NEK1: variants seen among roughly 807,000 people sequenced by gnomAD.
The protein encoded by NEK1 is NIMA related kinase 1.
NEK1 carries 137 observed loss-of-function variants against 182.1 expected under a neutral mutation model. The observed-to-expected ratio is 0.75, with a 90% CI of 0.65 to 0.87. NEK1 has a LOEUF of 0.87. Ranked by LOEUF, NEK1 falls within the 40% of genes least tolerant of loss-of-function variation. The pLI is 0.00. For synonymous variants in NEK1, 513 were observed against 492.2 expected, an observed-to-expected ratio of 1.04 and a Z score of -0.56; for missense variants, 1,391 against 1,494.4, an observed-to-expected ratio of 0.93 and a Z score of 1.14.
At chr4:169,593,759 C>T (rs370642930) in intron 5 of NEK1, among the ~76,000 whole-genome samples, 5 of 152,002 alleles carry the variant, frequency 3.3e-5, no homozygotes, top group Admixed American at 6.5e-5. Flanking sequence ...GAGGCCTAGG[C>T]GGGCAGATCA....
chr4:169,423,528 C>T (rs1038461374), intron 31 of NEK1, among the ~76,000 whole-genome samples: 1 of 152,062 alleles, frequency 6.6e-6, no homozygotes. Context: ...GTATACAAAT[C>T]AATAACATTA....
In NEK1 at chr4:169,444,643, T is replaced by A. The variant is rs1484884672; in HGVS notation, c.2588-6384A>T. On this transcript the variant is annotated intron_variant, in intron 27 of 35. Coordinates refer to ENST00000507142, the MANE Select transcript of NEK1 (RefSeq NM_001199397.3). ...AACTACAGGGAGAGATAGACTCCAA[T>A]ATAATAAGAGTTGTGGACTTCAACG... 3.3e-5 allele frequency among the ~76,000 whole-genome samples: 5 copies of A among 152,102 alleles called. No individual in the cohort carries two copies. In the East Asian group the frequency reaches 9.6e-4, roughly 29 times the overall value.
chr4:169,442,430 A>T (rs982236229), intron 27 of NEK1, among the ~76,000 whole-genome samples: 13 of 152,198 alleles, frequency 8.5e-5, no homozygotes, highest in Admixed American at 7.9e-4. Flanking sequence ...CTATGGATAC[A>T]TATACGGGAA....
intron 35 of NEK1, among the ~76,000 whole-genome samples, chr4:169,397,747 TA>T (rs1435799027): frequency 1.3e-5 from 2 of 152,188 alleles, no homozygotes; most frequent in Admixed American, 6.6e-5. Context: ...TGTAGGCTTA[TA>T]TCCTTTTGAA....
intron 10 of NEK1, among the ~76,000 whole-genome samples, chr4:169,582,256 AG>A (rs1329044098): frequency 1.3e-5 from 2 of 152,046 alleles, no homozygotes; most frequent in Admixed American, 1.3e-4. Context: ...ACATGATCTG[AG>A]GGGGTTGTTT....
At chr4:169,454,357 T>C (rs1742426870) in intron 27 of NEK1, among the ~76,000 whole-genome samples, 1 of 152,176 alleles carries the variant, frequency 6.6e-6, no homozygotes, top group South Asian at 2.1e-4. Flanking sequence ...AAAGAGCTTC[T>C]GCATGGCAAA....
chr4:169,561,627 TA>T (rs1762914539), intron 15 of NEK1, 59 bp downstream of exon 15: 2 of 1,587,382 alleles, frequency 1.3e-6, no homozygotes, highest in Admixed American at 1.7e-5. Context: ...CATTTAGCAA[TA>T]AACTGAAAAT....
intron 12 of NEK1, among the ~76,000 whole-genome samples, chr4:169,565,495 T>C (rs1763538495): frequency 6.6e-6 from 1 of 152,218 alleles, no homozygotes; most frequent in Admixed American, 6.5e-5. Flanking sequence ...ATAGTATCAT[T>C]ACAAAAACAC....
chr4:169,549,128 G>A (rs558698855), intron 18 of NEK1, among the ~76,000 whole-genome samples: 8 of 152,312 alleles, frequency 5.3e-5, no homozygotes, highest in African/African-American at 1.7e-4. Flanking sequence ...CCTGGTCTGT[G>A]GGTTGTGAAG....
At chr4:169,536,518 CT>C (rs1758538375) in intron 19 of NEK1, among the ~76,000 whole-genome samples, 1 of 151,880 alleles carries the variant, frequency 6.6e-6, no homozygotes. Context: ...AAGCAAAATA[CT>C]TTTTCAGACA....
At chr4:169,582,204 A>G (rs1766764997) in intron 10 of NEK1, among the ~76,000 whole-genome samples, 1 of 151,864 alleles carries the variant, frequency 6.6e-6, no homozygotes, top group African/African-American at 2.4e-5. Context: ...GAATCTTCCT[A>G]TATTAACAGT....
chr4:169,522,943 G>A (rs554287147), intron 19 of NEK1, among the ~76,000 whole-genome samples: 9 of 152,288 alleles, frequency 5.9e-5, no homozygotes, highest in Admixed American at 3.9e-4. Context: ...ATATACGGGA[G>A]ACAGAAAACC....
chr4:169,443,497 GA>G (rs550017595), intron 27 of NEK1, among the ~76,000 whole-genome samples: 1 of 148,154 alleles, frequency 6.7e-6, no homozygotes, highest in East Asian at 2.0e-4. Flanking sequence ...AAGGATAAAA[GA>G]AAAAAAAAGA....
chr4:169,442,396 C>A (rs527290534), intron 27 of NEK1, among the ~76,000 whole-genome samples: 4 of 152,070 alleles, frequency 2.6e-5, no homozygotes, highest in Admixed American at 2.0e-4. Flanking sequence ...AGAATCAAAG[C>A]CAAAACACCC....
At chr4:169,532,822 C>T (rs932202440) in intron 19 of NEK1, among the ~76,000 whole-genome samples, 5 of 151,178 alleles carry the variant, frequency 3.3e-5, no homozygotes, top group South Asian at 4.2e-4. Flanking sequence ...CATGATGGCA[C>T]GCGCCTGTAG....
At chr4:169,444,390 T>C (rs935545254) in intron 27 of NEK1, among the ~76,000 whole-genome samples, 3 of 151,602 alleles carry the variant, frequency 2.0e-5, no homozygotes, top group African/African-American at 4.8e-5. Flanking sequence ...TCATTACATA[T>C]ATAGACTGAA....
intron 19 of NEK1, among the ~76,000 whole-genome samples, chr4:169,512,803 T>C (rs1212236600): frequency 6.6e-6 from 1 of 152,112 alleles, no homozygotes; most frequent in Admixed American, 6.6e-5. Flanking sequence ...TCAAGGTTGG[T>C]AGAGCTTATG....
Position 169,426,141 on chromosome 4 carries a change from C to T in NEK1, c.2974+5G>A, listed in dbSNP as rs185707378. On this transcript the variant is annotated splice_donor_5th_base_variant and intron_variant, in intron 30 of 35. Coordinates refer to ENST00000507142, the MANE Select transcript of NEK1 (RefSeq NM_001199397.3). ...AAGTAATTAGACTAATGCAATGATG[C>T]TTACCTATATGAATGTCACTAAGTT... The T allele has an allele frequency of 1.5e-5, 24 of 1,607,340 alleles. No individual in the cohort carries two copies. The highest frequency in any genetic ancestry group is 1.9e-5 in the Non-Finnish European group (22 of 1,174,380).
chr4:169,555,910 C>T, intron 17 of NEK1, 22 bp downstream of exon 17: 1 of 1,613,334 alleles, frequency 6.2e-7, no homozygotes, highest in Non-Finnish European at 8.5e-7. Flanking sequence ...GCATAAGCAA[C>T]TTCTGCAGAA....
Sources: allele counts gnomAD v4.1 joint callset (sites outside exome capture counted in the v4.1 genomes callset), GRCh38; gene constraint gnomAD v4.1.1; transcripts MANE v1.5; gene names NCBI Gene and HGNC (gene_info 2026-07-23, HGNC 2026-07-21).